The following MTA1 variants were observed in gnomAD, a reference collection of about 807,000 sequenced individuals.
MTA1 encodes metastasis-associated protein MTA1.
In MTA1, 15 loss-of-function variants were observed where a neutral mutation model predicts 97.0. The observed-to-expected ratio is 0.15, with a 90% CI of 0.10 to 0.24. MTA1 has a LOEUF of 0.24. Among genes scored for constraint, MTA1 ranks in the 10% least tolerant of loss-of-function variants. The pLI is 1.00. For synonymous variants in MTA1, 435 were observed against 417.5 expected (o/e 1.04, Z -0.51); for missense variants, 709 against 1,015.1 (o/e 0.70, Z 4.10).
intron 1 of MTA1, among the ~76,000 whole-genome samples, chr14:105,437,415 A>G (rs1305438689): frequency 6.7e-6 from 1 of 149,638 alleles, no homozygotes; most frequent in African/African-American, 2.5e-5. Flanking sequence ...GTGTGACTGC[A>G]GGTGCATCCT....
At chr14:105,468,883 A>C in intron 18 of MTA1, 1 of 274,636 alleles carries the variant, frequency 3.6e-6, no homozygotes, top group Non-Finnish European at 7.3e-6. Context: ...TCTTGGCCCA[A>C]CTCCCGCAGT....
At chr14:105,445,624 T>G in intron 3 of MTA1, 113 bp downstream of exon 3, 1 of 1,040,644 alleles carries the variant, frequency 9.6e-7, no homozygotes. Context: ...GGGGCCACCC[T>G]CTGCCCAACT....
rs138270231 is a variant in MTA1 at position 105,462,912 on chromosome 14, G to T, written c.943-272G>T. 4.9e-3 allele frequency among the ~76,000 whole-genome samples: 751 copies of T among 152,320 alleles called. 2 individuals are homozygous for T. The highest frequency in any genetic ancestry group is 8.7e-3 in the Non-Finnish European group (595 of 68,020). On this transcript the variant is annotated intron_variant, in intron 10 of 20. Transcript: ENST00000331320. ...GGCTGAGATGGAGGCTGGGTTGTCA[G>T]TGCCACCTCGGCAAGATCTCGACCT...
intron 10 of MTA1, among the ~76,000 whole-genome samples, chr14:105,462,439 G>A (rs895873365): frequency 3.3e-5 from 5 of 151,954 alleles, no homozygotes; most frequent in Non-Finnish European, 7.4e-5. Context: ...CATGGTGGCA[G>A]GCTCCTGTAG....
rs904700112 is a variant in MTA1, at chr14:105,422,127, G to A, written c.28+2064G>A. On this transcript the variant is annotated intron_variant, in intron 1 of 20. Transcript: ENST00000331320. This position sits in a 1 kb window ranked among gnomAD's most constrained non-coding sequence, Gnocchi z 4.3. The stretch of plus-strand genomic sequence containing the variant: ...TGCTCGGAGCTGTCAGGCCCCCCAC[G>A]TGCCCGCCCCGAGGACTTCCTCTCC... Among the ~76,000 whole-genome samples, 2 of 152,164 alleles carry A rather than the reference G, an allele frequency of 1.3e-5. No homozygotes were observed. The highest frequency in any genetic ancestry group is 2.9e-5 in the Non-Finnish European group (2 of 68,016).
chr14:105,437,478 T>C (rs1353636159), intron 1 of MTA1, among the ~76,000 whole-genome samples: 2 of 151,824 alleles, frequency 1.3e-5, no homozygotes, highest in African/African-American at 2.4e-5. Flanking sequence ...CATGGGTGTG[T>C]CCTCACGGGC....
At chr14:105,468,835 G>T in intron 18 of MTA1, 2 of 281,300 alleles carry the variant, frequency 7.1e-6, no homozygotes, top group South Asian at 6.5e-5. Flanking sequence ...CGGCGGTCCT[G>T]GGCCCAGCTG....
intron 6 of MTA1, among the ~76,000 whole-genome samples, chr14:105,453,254 C>G (rs1162983416): frequency 6.6e-6 from 1 of 152,290 alleles, no homozygotes. Flanking sequence ...CGTAGCGCTC[C>G]AGCGGTGGCC....
chr14:105,421,230 C>T (rs1566991792), intron 1 of MTA1, among the ~76,000 whole-genome samples: 1 of 152,184 alleles, frequency 6.6e-6, no homozygotes, highest in African/African-American at 2.4e-5. Flanking sequence ...GCGGCAGCCC[C>T]TCCCACAGCC....
intron 18 of MTA1, chr14:105,469,116 C>T (rs1202048943): frequency 5.8e-6 from 3 of 517,766 alleles, no homozygotes; most frequent in African/African-American, 1.9e-5. Flanking sequence ...TGTGCCGCTG[C>T]TGGACTGACA....
intron 2 of MTA1, among the ~76,000 whole-genome samples, chr14:105,442,196 G>A (rs1431915820): frequency 5.3e-5 from 8 of 152,222 alleles, no homozygotes; most frequent in South Asian, 2.1e-4. Context: ...GGTCACACAC[G>A]AAGCACCGGA....
chr14:105,421,774 C>G (rs1201357753), intron 1 of MTA1, among the ~76,000 whole-genome samples: 1 of 152,226 alleles, frequency 6.6e-6, no homozygotes, highest in Admixed American at 6.5e-5. Flanking sequence ...CTTGTCCCAT[C>G]CCGGAGGTGC....
rs782156313 is a variant in MTA1 at position 105,439,740 on chromosome 14, C to A, written c.96+1001C>A. On this transcript the variant is annotated intron_variant, in intron 2 of 20. Transcript: ENST00000331320. ...CCTGCAGGGCTCCTGAGCCCCCGAT[C>A]CCCTGGAGCCAGTGGCCCGATGGCT... is the stretch of plus-strand genomic sequence containing the variant. Among the ~76,000 whole-genome samples, 4 of 152,140 alleles carry A rather than the reference C, an allele frequency of 2.6e-5. No individual in the cohort carries two copies. The East Asian group carries it at 7.7e-4, about 29-fold the overall frequency.
chr14:105,448,005 G>A (rs1348046524), intron 3 of MTA1, among the ~76,000 whole-genome samples: 2 of 152,170 alleles, frequency 1.3e-5, no homozygotes, highest in Admixed American at 1.3e-4. Context: ...CAGGCCTCAG[G>A]GTGGAGGGTA....
intron 3 of MTA1, 45 bp downstream of exon 3, chr14:105,445,556 G>A (rs1555426923): frequency 6.3e-7 from 1 of 1,596,020 alleles, no homozygotes; most frequent in Non-Finnish European, 8.6e-7. Flanking sequence ...GGGAGGGTCG[G>A]CTGGGGAGGG....
intron 1 of MTA1, among the ~76,000 whole-genome samples, chr14:105,426,209 C>CT (rs1555422222): frequency 6.6e-6 from 1 of 152,088 alleles, no homozygotes; most frequent in Non-Finnish European, 1.5e-5. Context: ...CGTCCGTGCC[C>CT]TGCCAGGCTG....
intron 10 of MTA1, 109 bp downstream of exon 10, chr14:105,461,062 C>T (rs781956236): frequency 1.6e-5 from 19 of 1,154,426 alleles, no homozygotes; most frequent in Non-Finnish European, 2.3e-5. Flanking sequence ...GCCTGTCCTG[C>T]ACCCTGATTC....
chr14:105,445,539 G>C (rs375694764), intron 3 of MTA1, 28 bp downstream of exon 3: 2 of 1,611,128 alleles, frequency 1.2e-6, no homozygotes, highest in African/African-American at 2.7e-5. Flanking sequence ...TGGGGTGCCC[G>C]CCTGGCGGGA....
At chr14:105,421,801 A>G (rs7492796) in intron 1 of MTA1, among the ~76,000 whole-genome samples, 10,777 of 152,196 alleles carry the variant, frequency 0.071, 1,262 homozygotes, top group African/African-American at 0.24. Context: ...CCTGGGCCCC[A>G]CACAGGCTTG....
Sources: allele counts gnomAD v4.1 joint callset (sites outside exome capture counted in the v4.1 genomes callset), GRCh38; gene constraint gnomAD v4.1.1; non-coding constraint Gnocchi (gnomAD v3.1); transcripts MANE v1.5; gene names NCBI Gene and HGNC (gene_info 2026-07-23, HGNC 2026-07-21).